DPY19L4: variants seen among roughly 807,000 people sequenced by gnomAD.
DPY19L4 encodes the protein dpy-19 like 4.
DPY19L4 carries 97 observed loss-of-function variants against 102.8 expected under a neutral mutation model. The observed-to-expected ratio is 0.94, with a 90% confidence interval of 0.80 to 1.12. DPY19L4 has a LOEUF of 1.12. Among genes scored for constraint, DPY19L4 ranks in the 50% most tolerant of loss-of-function variants. The pLI is 0.00. For missense variants in DPY19L4, 815 were observed against 850.4 expected (o/e 0.96, Z 0.52); for synonymous variants, 252 against 283.1 (o/e 0.89, Z 1.10).
At chr8:94,753,639 G>A (rs1445016149) in intron 6 of DPY19L4, among the ~76,000 whole-genome samples, 2 of 152,118 alleles carry the variant, frequency 1.3e-5, no homozygotes, top group African/African-American at 4.8e-5. Context: ...TTGGGAGGTC[G>A]AGGCAGGTGG....
intron 2 of DPY19L4, among the ~76,000 whole-genome samples, chr8:94,730,745 C>CTTTT (rs533095374): frequency 8.6e-6 from 1 of 116,206 alleles, no homozygotes; most frequent in Non-Finnish European, 1.8e-5. Context: ...AACTCTGTCT[C>CTTTT]TTTTTTTTTT....
intron 1 of DPY19L4, among the ~76,000 whole-genome samples, chr8:94,724,621 C>T (rs1013238994): frequency 6.6e-6 from 1 of 151,768 alleles, no homozygotes; most frequent in African/African-American, 2.4e-5. Flanking sequence ...ACGGAGTCTC[C>T]CTCTGTCACC....
intron 1 of DPY19L4, among the ~76,000 whole-genome samples, chr8:94,723,690 G>A (rs1810570052): frequency 6.6e-6 from 1 of 152,062 alleles, no homozygotes; most frequent in South Asian, 2.1e-4. Flanking sequence ...TTATCGAGTC[G>A]TACTTTTGGC....
intron 6 of DPY19L4, among the ~76,000 whole-genome samples, chr8:94,740,169 A>G (rs1270088887): frequency 6.6e-6 from 1 of 152,180 alleles, no homozygotes; most frequent in Non-Finnish European, 1.5e-5. Flanking sequence ...CGATGCCTTG[A>G]TTTTAGCTTA....
In DPY19L4 at chr8:94,765,281, A is replaced by G. The variant is rs746204438; in HGVS notation, c.969A>G (p.Leu323=). Residue 323 remains leucine, a synonymous_variant, in exon 9 of 19, where the codon TTA becomes TTG. Transcript: ENST00000414645. ...TGTTGGTATCTCCTTTATTAAGTTTAGTAGCAGCCTTAATGCTTGCTAAGT... is the reference window on the plus strand; with the variant it reads ...TGTTGGTATCTCCTTTATTAAGTTTGGTAGCAGCCTTAATGCTTGCTAAGT... ...PALLVSPLLS[L]VAALMLAKCL... is the part of the protein sequence containing the mutation. 2.2e-5 allele frequency: 35 copies of G among 1,609,310 alleles called. No homozygotes were observed. In the East Asian group the frequency reaches 6.7e-4, roughly 31 times the overall value.
chr8:94,791,323 T>C lies in DPY19L4; in HGVS notation c.*1413T>C, dbSNP rs1813877990. On this transcript the variant is annotated 3_prime_UTR_variant, in exon 19 of 19. Coordinates refer to ENST00000414645, the MANE Select transcript of DPY19L4 (RefSeq NM_181787.3). ...GTCTTTATTTTCTGTTATACATGTG[T>C]TGTTAAAGTACATGCATTCTTAGAC... 6.6e-6 allele frequency: 1 copy of C among 152,212 alleles called. No individual in the cohort carries two copies. Among genetic ancestry groups the C allele is most frequent in the South Asian group, 2.1e-4 (1 of 4,832 alleles). The allele number at this position is 152,212 out of a possible 1,614,324, so 9.4% of individuals were successfully genotyped here.
At chr8:94,756,603 G>A (rs1213161550) in intron 7 of DPY19L4, among the ~76,000 whole-genome samples, 2 of 152,202 alleles carry the variant, frequency 1.3e-5, no homozygotes, top group Non-Finnish European at 2.9e-5. Context: ...TGTGACTGAG[G>A]TATAGGTAGG....
At chr8:94,781,959 A>G (rs781474876) in intron 16 of DPY19L4, among the ~76,000 whole-genome samples, 26 of 152,350 alleles carry the variant, frequency 1.7e-4, no homozygotes, top group Non-Finnish European at 3.1e-4. Flanking sequence ...CATGTTATAC[A>G]GGATTCCATA....
chr8:94,734,061 CTT>C (rs55957128), intron 2 of DPY19L4, among the ~76,000 whole-genome samples: 13 of 133,192 alleles, frequency 9.8e-5, no homozygotes, highest in Admixed American at 7.6e-5. Flanking sequence ...TACCTAATGT[CTT>C]TTTTTTTTTT....
intron 1 of DPY19L4, among the ~76,000 whole-genome samples, chr8:94,721,183 T>A (rs943170487): frequency 1.3e-5 from 2 of 152,178 alleles, no homozygotes; most frequent in Non-Finnish European, 2.9e-5. Context: ...TGACCTCAGG[T>A]GATCCGCCCA....
At chr8:94,767,172 C>T in intron 11 of DPY19L4, among the ~76,000 whole-genome samples, 1 of 152,082 alleles carries the variant, frequency 6.6e-6, no homozygotes, top group East Asian at 1.9e-4. Flanking sequence ...CTCAGTCCAT[C>T]ACTGAGCATT....
At position 94,793,265 on chromosome 8, in the gene DPY19L4, A is replaced by G. The variant is rs1185373616; in HGVS notation, c.*3355A>G. ...GACTGAAAAACATGCTTTAAAAAAT[A>G]GATTTAATTTCTTACACTGTGAATA... is the stretch of plus-strand genomic sequence containing the variant. On this transcript the variant is annotated 3_prime_UTR_variant, in exon 19 of 19. Coordinates refer to ENST00000414645, the MANE Select transcript of DPY19L4 (RefSeq NM_181787.3). The G allele has an allele frequency of 6.6e-6, 1 of 152,230 alleles. No homozygotes were observed. Among genetic ancestry groups the G allele is most frequent in the Non-Finnish European group, 1.5e-5 (1 of 68,042 alleles). The allele number at this position is 152,230 out of a possible 1,614,324, so 9.4% of individuals were successfully genotyped here.
At chr8:94,743,495 A>G (rs1328425220) in intron 6 of DPY19L4, among the ~76,000 whole-genome samples, 1 of 151,336 alleles carries the variant, frequency 6.6e-6, no homozygotes, top group Non-Finnish European at 1.5e-5. Flanking sequence ...AAAAAAAAAA[A>G]TAGCCAGGCT....
intron 6 of DPY19L4, among the ~76,000 whole-genome samples, chr8:94,751,164 G>A: frequency 6.7e-6 from 1 of 148,268 alleles, no homozygotes. Flanking sequence ...TGTTGCCCAG[G>A]CTGGAGTGCA....
intron 2 of DPY19L4, among the ~76,000 whole-genome samples, chr8:94,731,835 TC>T (rs1810969769): frequency 6.6e-6 from 1 of 152,182 alleles, no homozygotes; most frequent in Non-Finnish European, 1.5e-5. Context: ...CGCTGCAAGC[TC>T]CGCCCCCTGC....
At chr8:94,722,869 C>G (rs760039631) in intron 1 of DPY19L4, among the ~76,000 whole-genome samples, 1 of 152,168 alleles carries the variant, frequency 6.6e-6, no homozygotes, top group East Asian at 1.9e-4. Flanking sequence ...CAAGTAAATA[C>G]TCTGGGAATC....
rs1420300004 is a variant in DPY19L4 at position 94,747,069 on chromosome 8, C to T, written c.611+7279C>T. ...TGGTTTTTTTTTGTTGCTGTTGTTT[C>T]GGGTTTTTTGAGACAGAGTCTCACT... On this transcript the variant is annotated intron_variant, in intron 6 of 18. Coordinates refer to ENST00000414645, the MANE Select transcript of DPY19L4 (RefSeq NM_181787.3). Among the ~76,000 whole-genome samples the T allele has an allele frequency of 9.9e-5, 15 of 151,286 alleles. No individual in the cohort carries two copies. The East Asian group carries it at 1.4e-3, about 14-fold the overall frequency.
intron 1 of DPY19L4, 195 bp downstream of exon 1, chr8:94,720,209 G>A: frequency 1.0e-6 from 1 of 985,400 alleles, no homozygotes; most frequent in South Asian, 4.7e-5. Flanking sequence ...ATGGCCCGAA[G>A]TTTTGTCGGC....
intron 6 of DPY19L4, among the ~76,000 whole-genome samples, chr8:94,742,188 C>A (rs1230381148): frequency 6.6e-6 from 1 of 152,020 alleles, no homozygotes; most frequent in Non-Finnish European, 1.5e-5. Flanking sequence ...GAAACGCCAT[C>A]TCTACTAAAA....
Sources: gnomAD v4.1 joint callset for allele counts (sites outside exome capture counted in the v4.1 genomes callset) on GRCh38, gnomAD v4.1.1 for gene constraint, MANE v1.5 for transcripts, NCBI Gene and HGNC (gene_info 2026-07-23, HGNC 2026-07-21) for gene names.